The following GHR variants were observed in gnomAD, a reference collection of about 807,000 sequenced individuals.
The protein encoded by GHR is GH receptor.
Under a neutral mutation model 67.1 loss-of-function variants are expected in GHR, and 35 were observed. The observed-to-expected ratio is 0.52, with a 90% confidence interval of 0.40 to 0.69. GHR has a LOEUF of 0.69. GHR is among the 30% of genes least tolerant of loss of function. The pLI is 0.00. For missense variants in GHR, 792 were observed against 764.6 expected (o/e 1.04, Z -0.42); for synonymous variants, 272 against 269.1 (o/e 1.01, Z -0.10).
chr5:42,464,886 A>T (rs1744659009), intron 1 of GHR, among the ~76,000 whole-genome samples: 2 of 152,252 alleles, frequency 1.3e-5, no homozygotes, highest in Admixed American at 1.3e-4. Flanking sequence ...TAACTAGGGC[A>T]TAGTAACACA....
intron 1 of GHR, among the ~76,000 whole-genome samples, chr5:42,530,113 T>C (rs2112336613): frequency 6.6e-6 from 1 of 151,820 alleles, no homozygotes; most frequent in Admixed American, 6.6e-5. Context: ...ACATGATGAT[T>C]TGATATATGT....
intron 1 of GHR, among the ~76,000 whole-genome samples, chr5:42,509,455 A>C (rs1746919649): frequency 6.6e-6 from 1 of 152,122 alleles, no homozygotes; most frequent in Non-Finnish European, 1.5e-5. Context: ...AAAAGCCCAG[A>C]AGTAATCAAA....
chr5:42,534,220 A>G lies in GHR; in HGVS notation c.-11-31644A>G, dbSNP rs532152375. Among the ~76,000 whole-genome samples the G allele has an allele frequency of 3.9e-4, 47 of 121,574 alleles. 1 individual carries two copies. Among genetic ancestry groups the G allele is most frequent in the African/African-American group, 8.4e-4 (21 of 25,022 alleles). The allele number at this position is 121,574 out of a possible 152,430, so 79.8% of individuals were successfully genotyped here. A position where few individuals can be genotyped will look rare whatever the true frequency, so the allele number is the denominator to read the frequency against. On this transcript the variant is annotated intron_variant, in intron 1 of 9. Coordinates refer to ENST00000230882, the MANE Select transcript of GHR (RefSeq NM_000163.5). ...TGTGTATATATGTATATATGTATATATGTACATGTGTATATGTGTATATAT... is the reference window on the plus strand; with the variant it reads ...TGTGTATATATGTATATATGTATATGTGTACATGTGTATATGTGTATATAT...
chr5:42,626,663 A>T (rs1276754978), intron 2 of GHR, among the ~76,000 whole-genome samples: 1 of 152,160 alleles, frequency 6.6e-6, no homozygotes, highest in Non-Finnish European at 1.5e-5. Context: ...GAGGCTCTCC[A>T]GGAGCCCCCA....
At chr5:42,510,497 T>C (rs1422212866) in intron 1 of GHR, among the ~76,000 whole-genome samples, 2 of 152,214 alleles carry the variant, frequency 1.3e-5, no homozygotes, top group African/African-American at 4.8e-5. Context: ...TGTAAAACTT[T>C]TTGGTCTGCA....
chr5:42,673,063 G>A (rs1756396540), intron 3 of GHR, among the ~76,000 whole-genome samples: 2 of 151,958 alleles, frequency 1.3e-5, no homozygotes, highest in Admixed American at 1.3e-4. Flanking sequence ...AAACAATTGA[G>A]CAAACAAAAA....
At chr5:42,676,041 C>T (rs995711895) in intron 3 of GHR, among the ~76,000 whole-genome samples, 2 of 152,070 alleles carry the variant, frequency 1.3e-5, no homozygotes, top group African/African-American at 4.8e-5. Context: ...AATCCCAGCA[C>T]TTTGGGAGGC....
chr5:42,583,882 T>C (rs969275932), intron 2 of GHR, among the ~76,000 whole-genome samples: 1 of 148,612 alleles, frequency 6.7e-6, no homozygotes, highest in Admixed American at 6.7e-5. Context: ...AATAAAGATA[T>C]ATATATATAT....
chr5:42,720,673 T>C lies in GHR; in HGVS notation c.*1249T>C, dbSNP rs1561259609. 6.6e-6 allele frequency: 1 copy of C among 152,194 alleles called. No homozygotes were observed. Among genetic ancestry groups the C allele is most frequent in the South Asian group, 2.1e-4 (1 of 4,830 alleles). The allele number at this position is 152,194 out of a possible 1,614,324, so 9.4% of individuals were successfully genotyped here. On this transcript the variant is annotated 3_prime_UTR_variant, in exon 10 of 10. Transcript: ENST00000230882. The stretch of plus-strand genomic sequence containing the variant: ...ATTTTTCATGATAATGAACAGAACA[T>C]AGACAGAAGAAACAAGGTTTTCAGT...
chr5:42,608,440 T>C (rs2112663278), intron 2 of GHR, among the ~76,000 whole-genome samples: 1 of 152,252 alleles, frequency 6.6e-6, no homozygotes, highest in African/African-American at 2.4e-5. Flanking sequence ...TTTTTTTTAA[T>C]GAAATAGCAT....
intron 3 of GHR, among the ~76,000 whole-genome samples, chr5:42,650,432 T>A (rs1754958424): frequency 6.6e-6 from 1 of 151,970 alleles, no homozygotes; most frequent in Non-Finnish European, 1.5e-5. Context: ...AATTAAAAGG[T>A]AATAAGGCCC....
At chr5:42,494,171 T>G (rs1746226630) in intron 1 of GHR, among the ~76,000 whole-genome samples, 1 of 152,088 alleles carries the variant, frequency 6.6e-6, no homozygotes, top group African/African-American at 2.4e-5. Flanking sequence ...TAACAGAAAC[T>G]AAAGGGAACA....
Position 42,563,624 on chromosome 5 carries a change from C to CAAAAAAAAAAAAA in GHR, c.-11-2226_-11-2214dup, listed in dbSNP as rs1168788232. ...TGGGCGACAGAGCGAGACTCCGTCT[C>CAAAAAAAAAAAAA]AAAAAAAAAAAAAAAAAAAAAAAAA... On this transcript the variant is annotated intron_variant, in intron 1 of 9. Transcript: ENST00000230882. Among the ~76,000 whole-genome samples the CAAAAAAAAAAAAA allele has an allele frequency of 4.4e-4, 20 of 45,090 alleles. 1 individual carries two copies. Among genetic ancestry groups the CAAAAAAAAAAAAA allele is most frequent in the Non-Finnish European group, 5.3e-4 (13 of 24,482 alleles). 29.6% of individuals were successfully genotyped at this position (45,090 alleles called of 152,430 possible).
intron 4 of GHR, among the ~76,000 whole-genome samples, chr5:42,691,766 G>A (rs1407884035): frequency 4.6e-5 from 7 of 152,000 alleles, no homozygotes; most frequent in African/African-American, 1.7e-4. Flanking sequence ...TCCTTGCCAG[G>A]TGGCTGGCAG....
Position 42,494,030 on chromosome 5 carries a change from T to A in GHR, c.-12+70075T>A, listed in dbSNP as rs535489893. Among the ~76,000 whole-genome samples, 8 of 152,294 alleles carry A rather than the reference T, an allele frequency of 5.3e-5. No individual in the cohort carries two copies. The East Asian group carries it at 1.3e-3, about 26-fold the overall frequency. On this transcript the variant is annotated intron_variant, in intron 1 of 9. Coordinates refer to ENST00000230882, the MANE Select transcript of GHR (RefSeq NM_000163.5). ...ATCCCTCACTGCAGCAGAGTTTATGTGCTCTAATGGATGCTCCGTAAATGC... is the reference window on the plus strand; with the variant it reads ...ATCCCTCACTGCAGCAGAGTTTATGAGCTCTAATGGATGCTCCGTAAATGC...
At chr5:42,449,755 C>CA (rs1432619680) in intron 1 of GHR, among the ~76,000 whole-genome samples, 1 of 151,696 alleles carries the variant, frequency 6.6e-6, no homozygotes, top group Non-Finnish European at 1.5e-5. Flanking sequence ...CTATTCAGTA[C>CA]AATGTGGGTT....
At chr5:42,672,844 T>C (rs1031779712) in intron 3 of GHR, among the ~76,000 whole-genome samples, 19 of 152,240 alleles carry the variant, frequency 1.2e-4, no homozygotes, top group South Asian at 1.2e-3. Flanking sequence ...GGAAACACCA[T>C]TCTGGACATC....
intron 3 of GHR, among the ~76,000 whole-genome samples, chr5:42,681,385 A>G (rs887216898): frequency 2.0e-5 from 3 of 152,228 alleles, no homozygotes; most frequent in Admixed American, 1.3e-4. Context: ...CATCAGAGAA[A>G]TGCAAATCAA....
At chr5:42,661,868 T>A (rs1170768108) in intron 3 of GHR, among the ~76,000 whole-genome samples, 2 of 152,154 alleles carry the variant, frequency 1.3e-5, no homozygotes, top group East Asian at 3.8e-4. Context: ...CCATCTCACG[T>A]GCAGAGACAC....
Sources: gnomAD v4.1 joint callset for allele counts (sites outside exome capture counted in the v4.1 genomes callset) on GRCh38, gnomAD v4.1.1 for gene constraint, MANE v1.5 for transcripts, NCBI Gene and HGNC (gene_info 2026-07-23, HGNC 2026-07-21) for gene names.